Variants in ZBTB46 observed in about 807,000 individuals in gnomAD.
The protein encoded by ZBTB46 is zinc finger and BTB domain-containing protein 46.
A neutral mutation model predicts 44.1 loss-of-function variants in ZBTB46; 8 were observed. That is an observed-to-expected ratio of 0.18 (90% CI 0.11 to 0.33). The LOEUF (loss-of-function observed/expected upper bound fraction) is 0.33, where lower values mean the gene tolerates loss of function less well. ZBTB46 is among the 10% of genes least tolerant of loss of function. The pLI is 1.00. For synonymous variants in ZBTB46, 409 were observed against 382.3 expected (o/e 1.07, Z -0.81); for missense variants, 651 against 847.7 (o/e 0.77, Z 2.88).
At chr20:63,824,405 C>G (rs187030660) in intron 1 of ZBTB46, among the ~76,000 whole-genome samples, 2 of 152,072 alleles carry the variant, frequency 1.3e-5, no homozygotes, top group African/African-American at 4.8e-5. Context: ...AAGAGAACAC[C>G]CATTTTATTC....
chr20:63,775,039 C>T (rs991606344), intron 3 of ZBTB46, among the ~76,000 whole-genome samples: 2 of 152,154 alleles, frequency 1.3e-5, no homozygotes, highest in African/African-American at 4.8e-5. Context: ...TGAATGCCCC[C>T]GTCTTGTCAG....
At chr20:63,802,799 C>A (rs1432268761) in intron 1 of ZBTB46, among the ~76,000 whole-genome samples, 1 of 147,388 alleles carries the variant, frequency 6.8e-6, no homozygotes, top group Non-Finnish European at 1.5e-5. Flanking sequence ...TGGCCGACGA[C>A]CGAACCTCAG....
intron 4 of ZBTB46, among the ~76,000 whole-genome samples, chr20:63,748,456 G>A (rs965682543): frequency 6.6e-6 from 1 of 152,226 alleles, no homozygotes; most frequent in East Asian, 1.9e-4. Context: ...GGCCAGGGAT[G>A]GGGAGAGGTG....
At chr20:63,831,686 C>T (rs945527104), upstream of ZBTB46, among the ~76,000 whole-genome samples, 5 of 150,408 alleles carry the variant, frequency 3.3e-5, no homozygotes, top group Non-Finnish European at 7.4e-5. Context: ...GAGCGGCGAC[C>T]CCGGCGAGGG....
chr20:63,806,148 T>G (rs1463418864), intron 1 of ZBTB46, among the ~76,000 whole-genome samples: 1 of 148,882 alleles, frequency 6.7e-6, no homozygotes, highest in African/African-American at 2.5e-5. Flanking sequence ...ACGCCTGTAA[T>G]CCCAGCATTT....
intron 3 of ZBTB46, among the ~76,000 whole-genome samples, chr20:63,772,082 C>T (rs985117736): frequency 1.1e-4 from 16 of 151,368 alleles, no homozygotes; most frequent in African/African-American, 3.9e-4. Flanking sequence ...GCAACCTCCT[C>T]CTTCCAGGTT....
At chr20:63,819,490 G>C (rs1359193751) in intron 1 of ZBTB46, among the ~76,000 whole-genome samples, 1 of 152,072 alleles carries the variant, frequency 6.6e-6, no homozygotes, top group African/African-American at 2.4e-5. Context: ...CTCTGCCATG[G>C]GCACTCGACA....
At chr20:63,807,284 TTTTC>T (rs1204035445) in intron 1 of ZBTB46, among the ~76,000 whole-genome samples, 2 of 152,220 alleles carry the variant, frequency 1.3e-5, no homozygotes, top group African/African-American at 4.8e-5. Flanking sequence ...GTTTCTGAAC[TTTTC>T]TTTCATTGGA....
chr20:63,758,734 CTT>C (rs34323440), intron 3 of ZBTB46, among the ~76,000 whole-genome samples: 63,044 of 135,050 alleles, frequency 0.47, 14,802 homozygotes, highest in African/African-American at 0.63. Flanking sequence ...AGAGTCACAT[CTT>C]TTTTTTTTTT....
rs912179845 is a variant in ZBTB46, at chr20:63,768,103, G to A, written c.1222+7575C>T. 4.1e-6 allele frequency: 4 copies of A among 985,322 alleles called. No homozygotes were observed. The African/African-American group carries it at 5.2e-5, about 13-fold the overall frequency. The allele number at this position is 985,322 out of a possible 1,614,324, so 61.0% of individuals were successfully genotyped here. On this transcript the variant is annotated intron_variant, in intron 3 of 4. Transcript: ENST00000245663. ...ATGTTGTCCAATCACTACTAAGACA[G>A]CCTGTCAACAGCCATCTGGAAAGGA...
chr20:63,821,344 G>T (rs1383939755), intron 1 of ZBTB46, among the ~76,000 whole-genome samples: 1 of 151,040 alleles, frequency 6.6e-6, no homozygotes, highest in East Asian at 2.0e-4. Context: ...TTTTAGAGAG[G>T]GTCTTGCTGT....
At chr20:63,749,266 T>C (rs1330853076) in intron 4 of ZBTB46, among the ~76,000 whole-genome samples, 2 of 152,208 alleles carry the variant, frequency 1.3e-5, no homozygotes, top group African/African-American at 2.4e-5. Context: ...CCAAACACGC[T>C]AACCCTAGAA....
chr20:63,797,698 A>G (rs940445557), intron 1 of ZBTB46, among the ~76,000 whole-genome samples: 3 of 152,142 alleles, frequency 2.0e-5, no homozygotes, highest in African/African-American at 7.2e-5. Flanking sequence ...CACCATTCTA[A>G]CTGGTGTGAG....
intron 1 of ZBTB46, among the ~76,000 whole-genome samples, chr20:63,826,221 T>C (rs1287995649): frequency 6.6e-6 from 1 of 152,300 alleles, no homozygotes; most frequent in Non-Finnish European, 1.5e-5. Flanking sequence ...AAACAAAGTA[T>C]CTGTGTGTCC....
chr20:63,814,311 C>G (rs909002456), intron 1 of ZBTB46, among the ~76,000 whole-genome samples: 18 of 151,402 alleles, frequency 1.2e-4, no homozygotes, highest in Admixed American at 1.3e-4. Flanking sequence ...ATGAGTAAGA[C>G]AAGAGCAGAG....
At chr20:63,821,438 C>G (rs550183507) in intron 1 of ZBTB46, among the ~76,000 whole-genome samples, 13 of 132,856 alleles carry the variant, frequency 9.8e-5, no homozygotes, top group Admixed American at 9.2e-4. Context: ...CAAGCAGGCA[C>G]GCTTTTTTTT....
rs749890467 is a variant in ZBTB46, at chr20:63,752,674, C to T, written c.1398+12G>A. 1.9e-6 allele frequency: 3 copies of T among 1,557,354 alleles called. No individual in the cohort carries two copies. Among genetic ancestry groups the T allele is most frequent in the Admixed American group, 3.6e-5 (2 of 55,936 alleles). Reference sequence around the variant, plus strand: ...GCGCAGCGCGCGGCACGCGGACCCTCCCCGCACTCACCAGCGTGTGGCGCT... The same window carrying T: ...GCGCAGCGCGCGGCACGCGGACCCTTCCCGCACTCACCAGCGTGTGGCGCT... On this transcript the variant is annotated intron_variant, in intron 4 of 4. Coordinates refer to ENST00000245663, the MANE Select transcript of ZBTB46 (RefSeq NM_001369741.1). This position sits in a 1 kb window ranked among gnomAD's most constrained non-coding sequence, Gnocchi z 5.6.
chr20:63,789,680 G>A (rs573700463), intron 2 of ZBTB46, 141 bp downstream of exon 2: 52 of 1,410,806 alleles, frequency 3.7e-5, no homozygotes, highest in South Asian at 2.5e-4. Flanking sequence ...CAGCGGTCAC[G>A]ACAACCTCCT....
chr20:63,800,476 C>T (rs956819317), intron 1 of ZBTB46, among the ~76,000 whole-genome samples: 13 of 152,240 alleles, frequency 8.5e-5, no homozygotes, highest in Non-Finnish European at 1.8e-4. Context: ...TTGAGGAGCC[C>T]TTCAGCCCGC....
Sources: gnomAD v4.1 joint callset for allele counts (sites outside exome capture counted in the v4.1 genomes callset) on GRCh38, gnomAD v4.1.1 for gene constraint, Gnocchi (gnomAD v3.1) non-coding constraint, MANE v1.5 for transcripts, NCBI Gene and HGNC (gene_info 2026-07-23, HGNC 2026-07-21) for gene names.